The following CEP350 variants were observed in gnomAD, a reference collection of about 807,000 sequenced individuals.
CEP350 encodes centrosomal protein 350.
Under a neutral mutation model 331.8 loss-of-function variants are expected in CEP350, and 126 were observed. The ratio of observed to expected loss-of-function variants is 0.38; its 90% CI spans 0.33 to 0.44. The LOEUF is 0.44. CEP350 is among the 20% of genes least tolerant of loss of function. The pLI is 1.00. For missense variants in CEP350, 3,406 were observed against 3,634.6 expected (o/e 0.94, Z 1.62); for synonymous variants, 1,200 against 1,259.5 (o/e 0.95, Z 1.00).
chr1:180,099,542 A>G (rs749979306), intron 37 of CEP350, among the ~76,000 whole-genome samples: 12 of 152,178 alleles, frequency 7.9e-5, no homozygotes, highest in Non-Finnish European at 1.8e-4. Context: ...ATATTTCTGT[A>G]ACATTAGGAA....
At chr1:179,989,474 C>A (rs1429341383) in intron 3 of CEP350, among the ~76,000 whole-genome samples, 4 of 116,278 alleles carry the variant, frequency 3.4e-5, no homozygotes, top group Admixed American at 9.7e-5. Context: ...CAGAGTGAGA[C>A]CCTGTCTCAA....
intron 30 of CEP350, among the ~76,000 whole-genome samples, chr1:180,082,897 C>T (rs1423539921): frequency 6.6e-6 from 1 of 152,074 alleles, no homozygotes; most frequent in South Asian, 2.1e-4. Flanking sequence ...TTGAGCCTTG[C>T]CTATGCTAAG....
At chr1:180,068,662 A>G (rs555056125) in intron 27 of CEP350, among the ~76,000 whole-genome samples, 1 of 152,298 alleles carries the variant, frequency 6.6e-6, no homozygotes, top group East Asian at 1.9e-4. Context: ...TTAAAATAGG[A>G]CACTGCATTT....
intron 17 of CEP350, 157 bp downstream of exon 17, chr1:180,037,246 A>C (rs1268584580): frequency 4.1e-6 from 2 of 487,014 alleles, no homozygotes. Context: ...CTGTCGGGAC[A>C]CTAAAAAGAT....
intron 1 of CEP350, among the ~76,000 whole-genome samples, chr1:179,959,558 C>G (rs1464816993): frequency 6.6e-6 from 1 of 152,076 alleles, no homozygotes; most frequent in Non-Finnish European, 1.5e-5. Context: ...AGCTTCAGAC[C>G]AGCCTGGCCA....
At position 180,020,666 on chromosome 1, in the gene CEP350, A is replaced by G. The variant is rs763836432; in HGVS notation, c.2892A>G (p.Gln964=). ...RQTDSSSSDM[Q]ACSQDKAKIS... is the part of the protein sequence containing the mutation. ...CTGACTCTTCTAGCTCTGATATGCA[A>G]GCCTGTTCTCAAGACAAAGCCAAAA... The change falls in exon 12 of 38, where the codon CAA becomes CAG. Residue 964 remains glutamine, a synonymous_variant. Transcript: ENST00000367607. The G allele has an allele frequency of 3.1e-6, 5 of 1,613,928 alleles. No individual in the cohort carries two copies. In the African/African-American group the frequency reaches 4.0e-5, roughly 13 times the overall value.
intron 11 of CEP350, among the ~76,000 whole-genome samples, chr1:180,016,972 C>CT (rs1470583518): frequency 3.3e-5 from 5 of 151,970 alleles, no homozygotes; most frequent in East Asian, 3.9e-4. Flanking sequence ...CCATATGGTC[C>CT]TTTTTTTACC....
chr1:179,995,552 C>A (rs917474986), intron 5 of CEP350, among the ~76,000 whole-genome samples: 4 of 152,098 alleles, frequency 2.6e-5, no homozygotes, highest in African/African-American at 9.7e-5. Flanking sequence ...TTGCAGTGAG[C>A]GAGATCGCAC....
At position 180,034,048 on chromosome 1, in the gene CEP350, C is replaced by T. The variant is rs775977387; in HGVS notation, c.3912C>T (p.Ser1304=). 1.5e-5 allele frequency: 25 copies of T among 1,613,632 alleles called. No homozygotes were observed. The highest frequency in any genetic ancestry group is 1.7e-5 in the Admixed American group (1 of 59,952). Residue 1304 remains serine (S), a synonymous_variant, in exon 16 of 38, where the codon AGC becomes AGT. Transcript: ENST00000367607. Reference sequence around the variant, plus strand: ...TCACTGATCTGAACCCGGCAGCCAGCAGAACAACGACAGAGAACATGGCTC... The same window carrying T: ...TCACTGATCTGAACCCGGCAGCCAGTAGAACAACGACAGAGAACATGGCTC... ...APLTDLNPAA[S]RTTTENMAPI...
intron 5 of CEP350, among the ~76,000 whole-genome samples, chr1:179,993,059 T>G (rs1653207703): frequency 6.6e-6 from 1 of 152,100 alleles, no homozygotes; most frequent in Non-Finnish European, 1.5e-5. Flanking sequence ...TTTGATGCAA[T>G]TTTGAATTAT....
chr1:179,991,314 CTTT>C (rs748309168), intron 4 of CEP350, among the ~76,000 whole-genome samples: 1 of 109,394 alleles, frequency 9.1e-6, no homozygotes, highest in Non-Finnish European at 1.9e-5. Flanking sequence ...TCTTTCTTTT[CTTT>C]TTTTTTTTTT....
At chr1:179,968,175 AT>A (rs1181336713) in intron 1 of CEP350, among the ~76,000 whole-genome samples, 2 of 152,092 alleles carry the variant, frequency 1.3e-5, no homozygotes, top group Non-Finnish European at 2.9e-5. Context: ...TACTAAAAAT[AT>A]AAAAATTAGC....
chr1:180,067,833 C>A (rs72710646), intron 27 of CEP350, among the ~76,000 whole-genome samples: 24 of 152,104 alleles, frequency 1.6e-4, no homozygotes, highest in Admixed American at 2.6e-4. Context: ...TTTATATTAC[C>A]GGAGCACCAT....
intron 37 of CEP350, 95 bp from the exon 38 acceptor site, chr1:180,110,902 T>C (rs193026908): frequency 2.8e-4 from 285 of 1,008,890 alleles, no homozygotes; most frequent in Middle Eastern, 1.5e-3. Context: ...TTCCTTGGGC[T>C]GTATTCCTAT....
At position 180,012,061 on chromosome 1, in the gene CEP350, G is replaced by T; in HGVS notation, c.1379G>T (p.Arg460Ile). The T allele has an allele frequency of 6.4e-7, 1 of 1,558,958 alleles. No individual in the cohort carries two copies. The highest frequency in any genetic ancestry group is 1.2e-5 in the South Asian group (1 of 83,270). The stretch of plus-strand genomic sequence containing the variant: ...TCAAGTGACAGAGGTGGAAGAGAAA[G>T]AACTGCTAAATCTGGTAAGTAGCTA... ...TASSDRGGRERTAKSGGHIGR... is the reference protein window; with the variant it reads ...TASSDRGGREITAKSGGHIGR... The change falls in exon 9 of 38, where the codon AGA becomes ATA. Residue 460 changes from arginine (R) to isoleucine (I), a missense_variant. By Grantham distance (97) the Arg-to-Ile change is moderately conservative. This residue lies in a region of CEP350 where 1,857 missense variants were observed against 1,909.2 expected (regional missense o/e 0.97). Coordinates refer to ENST00000367607, the MANE Select transcript of CEP350 (RefSeq NM_014810.5).
At chr1:179,956,316 G>T (rs79313313) in intron 1 of CEP350, among the ~76,000 whole-genome samples, 417 of 152,286 alleles carry the variant, frequency 2.7e-3, no homozygotes, top group African/African-American at 9.4e-3. Flanking sequence ...CTTCAAGCTA[G>T]AATACATTGT....
chr1:180,074,875 T>C, intron 27 of CEP350, 147 bp from the exon 28 acceptor site: 1 of 585,782 alleles, frequency 1.7e-6, no homozygotes, highest in Non-Finnish European at 2.8e-6. Flanking sequence ...AAGCTTCTAT[T>C]ATCTCAAGCT....
At chr1:180,005,191 C>T (rs1307979537) in intron 7 of CEP350, among the ~76,000 whole-genome samples, 1 of 151,798 alleles carries the variant, frequency 6.6e-6, no homozygotes, top group Non-Finnish European at 1.5e-5. Flanking sequence ...CCACACTTCC[C>T]CTCTGAACTC....
chr1:180,111,207 G>C lies in CEP350; in HGVS notation c.*46G>C. 1 of 1,596,958 alleles carries C rather than the reference G, an allele frequency of 6.3e-7. No homozygotes were observed. The highest frequency in any genetic ancestry group is 8.6e-7 in the Non-Finnish European group (1 of 1,168,898). ...CGCTGAGTGCTAATGTGAGTCCTGGGCCTTTCTGCCTCCTGATGTACACCC... is the reference window on the plus strand; with the variant it reads ...CGCTGAGTGCTAATGTGAGTCCTGGCCCTTTCTGCCTCCTGATGTACACCC... On this transcript the variant is annotated 3_prime_UTR_variant, in exon 38 of 38. Coordinates refer to ENST00000367607, the MANE Select transcript of CEP350 (RefSeq NM_014810.5).
Sources: gnomAD v4.1 joint callset for allele counts (sites outside exome capture counted in the v4.1 genomes callset) on GRCh38, gnomAD v4.1.1 for gene constraint, gnomAD v4.1.1 regional missense constraint, MANE v1.5 for transcripts, NCBI Gene and HGNC (gene_info 2026-07-23, HGNC 2026-07-21) for gene names.